The following TRIM2 variants were observed in gnomAD, a reference collection of about 807,000 sequenced individuals.
TRIM2 encodes tripartite motif-containing protein 2.
Under a neutral mutation model 75.2 loss-of-function variants are expected in TRIM2, and 20 were observed. The observed-to-expected ratio is 0.27, with a 90% CI of 0.19 to 0.39. The LOEUF (loss-of-function observed/expected upper bound fraction) is 0.39. Ranked by LOEUF, TRIM2 falls within the 10% of genes least tolerant of loss-of-function variation. The probability of loss-of-function intolerance (pLI) is 1.00; values close to 1 mark genes in which losing one functional copy is unlikely to be tolerated. For synonymous variants in TRIM2, 373 were observed against 388.3 expected (o/e 0.96, Z 0.46); for missense variants, 660 against 990.8 (o/e 0.67, Z 4.48).
At chr4:153,213,669 A>G (rs1345192813) in intron 1 of TRIM2, among the ~76,000 whole-genome samples, 1 of 152,174 alleles carries the variant, frequency 6.6e-6, no homozygotes, top group East Asian at 1.9e-4. Flanking sequence ...CTGGGATTAC[A>G]GGTGCATGCC....
intron 1 of TRIM2, among the ~76,000 whole-genome samples, chr4:153,199,088 C>T (rs1240617305): frequency 6.6e-6 from 1 of 152,104 alleles, no homozygotes; most frequent in East Asian, 1.9e-4. Context: ...TAGGCCAATG[C>T]TAAGTAATAT....
At chr4:153,300,426 T>A (rs546019214) in intron 6 of TRIM2, among the ~76,000 whole-genome samples, 12 of 152,324 alleles carry the variant, frequency 7.9e-5, no homozygotes, top group African/African-American at 2.6e-4. Context: ...ACCACAGATA[T>A]GTGCCGCCAT....
chr4:153,238,368 T>C (rs1745563040), intron 1 of TRIM2, among the ~76,000 whole-genome samples: 2 of 132,416 alleles, frequency 1.5e-5, no homozygotes, highest in African/African-American at 7.8e-5. Context: ...CAAGCAAAGT[T>C]CATGGAGGTA....
At chr4:153,164,582 C>G (rs1313339407) in intron 1 of TRIM2, among the ~76,000 whole-genome samples, 2 of 152,180 alleles carry the variant, frequency 1.3e-5, no homozygotes, top group Non-Finnish European at 2.9e-5. Flanking sequence ...ATCAAAGTCT[C>G]TTTCCTACCC....
chr4:153,301,800 G>A (rs533618596), intron 6 of TRIM2, among the ~76,000 whole-genome samples: 1 of 152,252 alleles, frequency 6.6e-6, no homozygotes, highest in African/African-American at 2.4e-5. Flanking sequence ...AACTATAAAT[G>A]TATGGATTTA....
rs538516851 is a variant in TRIM2, at chr4:153,257,428, C to T, written c.31-12907C>T. The T allele has an allele frequency of 9.2e-6, 11 of 1,193,322 alleles. No individual in the cohort carries two copies. The South Asian group carries it at 1.6e-4, about 18-fold the overall frequency. 73.9% of individuals were successfully genotyped at this position (1,193,322 alleles called of 1,614,324 possible). A position where few individuals can be genotyped will look rare whatever the true frequency, so the allele number is the denominator to read the frequency against. Reference sequence around the variant, plus strand: ...AAAAGATGTCCTGTAAGATCAAGACCGATTGGTGTGAATACTGAAGGGGGT... The same window carrying T: ...AAAAGATGTCCTGTAAGATCAAGACTGATTGGTGTGAATACTGAAGGGGGT... On this transcript the variant is annotated intron_variant, in intron 1 of 11. Coordinates refer to ENST00000338700, the MANE Select transcript of TRIM2 (RefSeq NM_015271.5).
intron 2 of TRIM2, among the ~76,000 whole-genome samples, chr4:153,272,118 T>A (rs1756833540): frequency 6.6e-6 from 1 of 151,552 alleles, no homozygotes; most frequent in Non-Finnish European, 1.5e-5. Context: ...TCCAGCCTCA[T>A]GCATGTTGAG....
At position 153,307,049 on chromosome 4, in the gene TRIM2, C is replaced by G. The variant is rs79451252; in HGVS notation, c.1511-8436C>G. 1.9e-3 allele frequency among the ~76,000 whole-genome samples: 285 copies of G among 152,072 alleles called. 8 individuals carry two copies. The East Asian group carries it at 0.044, about 23-fold the overall frequency. On this transcript the variant is annotated intron_variant, in intron 6 of 11. Coordinates refer to ENST00000338700, the MANE Select transcript of TRIM2 (RefSeq NM_015271.5). ...AATACTTGAAAACTTAAGTGTATGC[C>G]CACTGTGAGTGAGTTATTACATTAC...
Position 153,273,654 on chromosome 4 carries a change from A to C in TRIM2, c.216-2239A>C, listed in dbSNP as rs79877883. ...CATCAAAAGGCTTGAAGGAGAGCAA[A>C]GCCAGACATAGCTGCTGGCCCCTTG... On this transcript the variant is annotated intron_variant, in intron 2 of 11. Coordinates refer to ENST00000338700, the MANE Select transcript of TRIM2 (RefSeq NM_015271.5). 2.8e-3 allele frequency among the ~76,000 whole-genome samples: 420 copies of C among 152,158 alleles called. 2 individuals carry two copies. Among genetic ancestry groups the C allele is most frequent in the African/African-American group, 9.0e-3 (373 of 41,508 alleles).
At chr4:153,195,846 T>C (rs2149668883) in intron 1 of TRIM2, among the ~76,000 whole-genome samples, 1 of 152,304 alleles carries the variant, frequency 6.6e-6, no homozygotes, top group African/African-American at 2.4e-5. Flanking sequence ...GATTCTTGCT[T>C]TGTCGCCCAG....
At chr4:153,185,527 G>A (rs913298978) in intron 1 of TRIM2, among the ~76,000 whole-genome samples, 1 of 152,000 alleles carries the variant, frequency 6.6e-6, no homozygotes, top group African/African-American at 2.4e-5. Flanking sequence ...CATTTTCTGA[G>A]GAATACTCCT....
At chr4:153,265,158 G>C (rs1314528630) in intron 1 of TRIM2, among the ~76,000 whole-genome samples, 1 of 148,384 alleles carries the variant, frequency 6.7e-6, no homozygotes, top group Non-Finnish European at 1.5e-5. Context: ...AAAATTCTAA[G>C]GTTAAAAAAA....
intron 6 of TRIM2, among the ~76,000 whole-genome samples, chr4:153,314,236 C>T (rs939702996): frequency 3.5e-5 from 5 of 144,350 alleles, no homozygotes; most frequent in East Asian, 1.9e-4. Context: ...CCGGCTAAAA[C>T]GGTGAAACCC....
chr4:153,187,357 C>G lies in TRIM2; in HGVS notation c.-49+34087C>G, dbSNP rs539168606. Among the ~76,000 whole-genome samples the G allele has an allele frequency of 4.6e-5, 7 of 152,238 alleles. No individual in the cohort carries two copies. The East Asian group carries it at 1.4e-3, about 29-fold the overall frequency. ...GTTTTGCAACCCTAAGCCCATTTAC[C>G]GACGTGGAGGATTACTCTGGATCTT... On this transcript the variant is annotated intron_variant, in intron 1 of 11. Coordinates refer to the TRIM2 transcript ENST00000437508.
chr4:153,230,990 C>A, intron 1 of TRIM2, among the ~76,000 whole-genome samples: 1 of 152,144 alleles, frequency 6.6e-6, no homozygotes, highest in East Asian at 1.9e-4. Flanking sequence ...ATCTTAGAAG[C>A]GAGGAAACTA....
At chr4:153,284,172 C>A (rs1044939645) in intron 3 of TRIM2, among the ~76,000 whole-genome samples, 3 of 151,110 alleles carry the variant, frequency 2.0e-5, no homozygotes, top group Admixed American at 1.3e-4. Context: ...AGCCATTGCG[C>A]CTGGCCTGGT....
intron 1 of TRIM2, among the ~76,000 whole-genome samples, chr4:153,179,826 G>A (rs919982466): frequency 2.6e-5 from 4 of 152,174 alleles, no homozygotes; most frequent in African/African-American, 2.4e-5. Context: ...TTGGGCCGTC[G>A]TGGCCCTACT....
chr4:153,316,626 A>G (rs1767647024), intron 8 of TRIM2, among the ~76,000 whole-genome samples: 1 of 152,186 alleles, frequency 6.6e-6, no homozygotes, highest in African/African-American at 2.4e-5. Flanking sequence ...GTGGAGCTAC[A>G]CTTTGAGGGA....
At chr4:153,170,495 T>C (rs1442139736) in intron 1 of TRIM2, among the ~76,000 whole-genome samples, 2 of 152,114 alleles carry the variant, frequency 1.3e-5, no homozygotes, top group Admixed American at 1.3e-4. Flanking sequence ...TTGCAAAGCA[T>C]CTGCCGCATG....
Sources: allele counts gnomAD v4.1 joint callset (sites outside exome capture counted in the v4.1 genomes callset), GRCh38; gene constraint gnomAD v4.1.1; transcripts MANE v1.5; gene names NCBI Gene and HGNC (gene_info 2026-07-23, HGNC 2026-07-21).